Variants in NOL10 observed in about 807,000 individuals in gnomAD.
NOL10 encodes the protein H_NH0074G24.1.
A neutral mutation model predicts 103.5 loss-of-function variants in NOL10; 58 were observed. The observed-to-expected ratio is 0.56, with a 90% CI of 0.45 to 0.70. The LOEUF (loss-of-function observed/expected upper bound fraction) is 0.70. NOL10 is among the 30% of genes least tolerant of loss of function. NOL10 has a pLI of 0.00. For synonymous variants in NOL10, 287 were observed against 282.5 expected (o/e 1.02, Z -0.16); for missense variants, 763 against 807.3 (o/e 0.95, Z 0.67).
chr2:10,683,733 C>T (rs1681946612), intron 2 of NOL10, among the ~76,000 whole-genome samples: 1 of 152,200 alleles, frequency 6.6e-6, no homozygotes. Flanking sequence ...CGCAAATCCA[C>T]TGTGTGCCAA....
At chr2:10,685,391 G>A (rs573159851) in intron 1 of NOL10, among the ~76,000 whole-genome samples, 202 of 151,348 alleles carry the variant, frequency 1.3e-3, no homozygotes, top group African/African-American at 4.8e-3. Flanking sequence ...TACTCGGGAG[G>A]CTGAGGAAGG....
chr2:10,649,559 A>AT (rs1462061738), intron 12 of NOL10, among the ~76,000 whole-genome samples: 2 of 152,058 alleles, frequency 1.3e-5, no homozygotes, highest in African/African-American at 4.8e-5. Flanking sequence ...ACCTCAAGTG[A>AT]TCTGCATGCC....
At chr2:10,587,254 TATACACATATATATATA>T (rs1675149126) in intron 19 of NOL10, among the ~76,000 whole-genome samples, 1 of 39,758 alleles carries the variant, frequency 2.5e-5, no homozygotes, top group African/African-American at 1.1e-4. Flanking sequence ...CATATATATA[TATACACATATATATATA>T]TATATTTTTT....
chr2:10,689,221 C>T (rs58214362), intron 1 of NOL10, among the ~76,000 whole-genome samples: 2,930 of 152,300 alleles, frequency 0.019, 112 homozygotes, highest in African/African-American at 0.067. Context: ...AGCTGCATTA[C>T]TAAACACGAG....
chr2:10,668,931 T>A (rs1295197526), intron 6 of NOL10, among the ~76,000 whole-genome samples: 1 of 152,084 alleles, frequency 6.6e-6, no homozygotes. Flanking sequence ...GCCAAGGAAA[T>A]ATGAAGTCAT....
At chr2:10,595,137 G>GC (rs1300573222) in intron 17 of NOL10, among the ~76,000 whole-genome samples, 1 of 131,752 alleles carries the variant, frequency 7.6e-6, no homozygotes, top group African/African-American at 3.2e-5. Context: ...GAGGGAGGGG[G>GC]AGGGGGCAGA....
intron 13 of NOL10, among the ~76,000 whole-genome samples, chr2:10,608,882 T>C (rs1676398082): frequency 6.6e-6 from 1 of 152,204 alleles, no homozygotes; most frequent in Non-Finnish European, 1.5e-5. Flanking sequence ...AAACTTCATA[T>C]TAGTGCAATC....
chr2:10,575,364 AAG>A (rs1405909887), intron 20 of NOL10, among the ~76,000 whole-genome samples: 1 of 152,234 alleles, frequency 6.6e-6, no homozygotes, highest in African/African-American at 2.4e-5. Flanking sequence ...GCAGTATAAA[AAG>A]AGACTTCTAT....
rs1366606285 is a variant in NOL10, at chr2:10,671,430, A to C, written c.464+124T>G. 1.8e-5 allele frequency: 13 copies of C among 706,634 alleles called. No homozygotes were observed. The South Asian group carries it at 3.7e-4, about 20-fold the overall frequency. The allele number at this position is 706,634 out of a possible 1,614,324, so 43.8% of individuals were successfully genotyped here. A position where few individuals can be genotyped will look rare whatever the true frequency, so the allele number is the denominator to read the frequency against. On this transcript the variant is annotated intron_variant, in intron 6 of 20. Coordinates refer to ENST00000381685, the MANE Select transcript of NOL10 (RefSeq NM_024894.4). Reference sequence around the variant, plus strand: ...TTTTCTTTTTTTTTTTTTTTTTACAAGAGCCACGTATCACTTTTTTATTAA... The same window carrying C: ...TTTTCTTTTTTTTTTTTTTTTTACACGAGCCACGTATCACTTTTTTATTAA...
At chr2:10,619,306 CTAATTTATTTTT>C (rs55796418) in intron 13 of NOL10, among the ~76,000 whole-genome samples, 86,892 of 151,306 alleles carry the variant, frequency 0.57, 26,058 homozygotes, top group African/African-American at 0.74. Context: ...CCATGCCTAG[CTAATTTATTTTT>C]TAATTTATTT....
chr2:10,646,959 A>G (rs571157113), intron 12 of NOL10, among the ~76,000 whole-genome samples: 7 of 152,380 alleles, frequency 4.6e-5, no homozygotes, highest in Non-Finnish European at 8.8e-5. Flanking sequence ...GTGTGAGGAC[A>G]ACTTAAAACA....
intron 19 of NOL10, among the ~76,000 whole-genome samples, chr2:10,587,282 T>A (rs1675161297): frequency 9.9e-6 from 1 of 101,418 alleles, no homozygotes; most frequent in South Asian, 2.8e-4. Flanking sequence ...TATATTTTTT[T>A]TTTTTTTGAG....
intron 17 of NOL10, among the ~76,000 whole-genome samples, chr2:10,592,511 TA>T (rs1675442368): frequency 6.6e-6 from 1 of 152,170 alleles, no homozygotes; most frequent in African/African-American, 2.4e-5. Context: ...GGCTATGATG[TA>T]AATTTTGGAG....
intron 3 of NOL10, among the ~76,000 whole-genome samples, chr2:10,681,210 C>A (rs1219014052): frequency 6.6e-6 from 1 of 152,046 alleles, no homozygotes; most frequent in Non-Finnish European, 1.5e-5. Flanking sequence ...TGAAAACAGC[C>A]TAGCTGTTCA....
At chr2:10,686,891 T>C (rs1465041125) in intron 1 of NOL10, among the ~76,000 whole-genome samples, 2 of 135,448 alleles carry the variant, frequency 1.5e-5, no homozygotes, top group African/African-American at 5.0e-5. Context: ...CAAGTTAAGT[T>C]TGAGATGCCT....
intron 13 of NOL10, among the ~76,000 whole-genome samples, chr2:10,627,265 T>C (rs1024488839): frequency 6.6e-6 from 1 of 152,216 alleles, no homozygotes; most frequent in Non-Finnish European, 1.5e-5. Flanking sequence ...ATTAGGTCTT[T>C]TACCTTCCAT....
chr2:10,630,753 C>G (rs1677788684), intron 13 of NOL10, among the ~76,000 whole-genome samples: 1 of 152,070 alleles, frequency 6.6e-6, no homozygotes, highest in South Asian at 2.1e-4. Flanking sequence ...AAACTTGCTT[C>G]CTCAGCTACA....
intron 13 of NOL10, among the ~76,000 whole-genome samples, chr2:10,633,415 T>C (rs922671591): frequency 3.3e-5 from 5 of 151,018 alleles, no homozygotes; most frequent in Non-Finnish European, 7.4e-5. Context: ...ATATTAATTA[T>C]ATATTAATGT....
rs376697719 is a variant in NOL10, at chr2:10,664,321, G to A, written c.592-1277C>T. On this transcript the variant is annotated intron_variant, in intron 8 of 20. Transcript: ENST00000381685. ...CAGGTGCTTGTAATCCCAGCTATTCGGGAGCCTGAGGCAAGAGAATCGCTT... is the reference window on the plus strand; with the variant it reads ...CAGGTGCTTGTAATCCCAGCTATTCAGGAGCCTGAGGCAAGAGAATCGCTT... Among the ~76,000 whole-genome samples, 70 of 152,020 alleles carry A rather than the reference G, an allele frequency of 4.6e-4. 1 individual carries two copies. In the East Asian group the frequency reaches 6.4e-3, roughly 14 times the overall value.
Sources: gnomAD v4.1 joint callset for allele counts (sites outside exome capture counted in the v4.1 genomes callset) on GRCh38, gnomAD v4.1.1 for gene constraint, MANE v1.5 for transcripts, NCBI Gene and HGNC (gene_info 2026-07-23, HGNC 2026-07-21) for gene names.